The following CNTN5 variants were observed in gnomAD, a reference collection of about 807,000 sequenced individuals.
CNTN5 encodes contactin 5.
Under a neutral mutation model 129.1 loss-of-function variants are expected in CNTN5, and 77 were observed. The ratio of observed to expected loss-of-function variants is 0.60; its 90% CI spans 0.50 to 0.72. The LOEUF is 0.72. Ranked by LOEUF, CNTN5 falls within the 30% of genes least tolerant of loss-of-function variation. The pLI, the probability that CNTN5 is intolerant of heterozygous loss-of-function variation, is 0.00. For missense variants in CNTN5, 1,478 were observed against 1,328.8 expected, an observed-to-expected ratio of 1.11 and a Z score of -1.75; for synonymous variants, 509 against 465.6, an observed-to-expected ratio of 1.09 and a Z score of -1.20.
chr11:100,269,750 G>A (rs1044031101), intron 17 of CNTN5, among the ~76,000 whole-genome samples: 1 of 152,116 alleles, frequency 6.6e-6, no homozygotes, highest in Non-Finnish European at 1.5e-5. Flanking sequence ...AGAATTCTCA[G>A]GAGGTTAGAA....
intron 3 of CNTN5, among the ~76,000 whole-genome samples, chr11:99,611,005 C>G (rs74455035): frequency 0.039 from 5,952 of 152,182 alleles, 151 homozygotes; most frequent in South Asian, 0.086. Flanking sequence ...TGTAGTTGAG[C>G]CTTCATGGTA....
At chr11:100,177,470 G>A (rs1948003152) in intron 13 of CNTN5, among the ~76,000 whole-genome samples, 1 of 152,074 alleles carries the variant, frequency 6.6e-6, no homozygotes, top group Non-Finnish European at 1.5e-5. Flanking sequence ...TACAGTACCT[G>A]GAATTTAGAA....
intron 3 of CNTN5, among the ~76,000 whole-genome samples, chr11:99,808,594 G>GA (rs1205695407): frequency 1.3e-5 from 2 of 152,092 alleles, no homozygotes; most frequent in Admixed American, 1.3e-4. Flanking sequence ...AATTGCCATA[G>GA]AAAAAAATCA....
intron 2 of CNTN5, among the ~76,000 whole-genome samples, chr11:99,400,777 T>TG (rs1941765140): frequency 1.3e-5 from 2 of 152,178 alleles, no homozygotes; most frequent in African/African-American, 4.8e-5. Context: ...CCATTTTAAC[T>TG]GGGGTGAGAT....
At chr11:99,701,174 TTC>T (rs1954502580) in intron 3 of CNTN5, among the ~76,000 whole-genome samples, 1 of 151,152 alleles carries the variant, frequency 6.6e-6, no homozygotes, top group African/African-American at 2.4e-5. Flanking sequence ...GTTCTTCTTC[TTC>T]AGTAGATACA....
At chr11:99,124,095 A>G (rs1858498549) in intron 1 of CNTN5, among the ~76,000 whole-genome samples, 1 of 152,080 alleles carries the variant, frequency 6.6e-6, no homozygotes, top group Admixed American at 6.6e-5. Flanking sequence ...TAGGAAGAGC[A>G]TTACATTTAT....
chr11:99,715,993 AC>A (rs1335314746), intron 3 of CNTN5, among the ~76,000 whole-genome samples: 1 of 149,714 alleles, frequency 6.7e-6, no homozygotes. Flanking sequence ...AAAAATTATT[AC>A]TTTTCAGCTT....
chr11:100,167,309 T>C (rs1451215789), intron 13 of CNTN5, among the ~76,000 whole-genome samples: 1 of 151,866 alleles, frequency 6.6e-6, no homozygotes, highest in Admixed American at 6.6e-5. Flanking sequence ...CTTAAAAACA[T>C]TATTTAAGCT....
At chr11:99,578,145 A>G (rs1412016986) in intron 3 of CNTN5, among the ~76,000 whole-genome samples, 1 of 152,034 alleles carries the variant, frequency 6.6e-6, no homozygotes, top group Admixed American at 6.5e-5. Context: ...ATGTCCCTAC[A>G]AAGGATGTGA....
intron 9 of CNTN5, among the ~76,000 whole-genome samples, chr11:100,037,138 G>A (rs936421107): frequency 1.7e-4 from 25 of 148,886 alleles, no homozygotes; most frequent in African/African-American, 4.5e-4. Flanking sequence ...TTTGAGATAC[G>A]TTCCATCAAT....
At chr11:99,587,516 G>A (rs1029313823) in intron 3 of CNTN5, among the ~76,000 whole-genome samples, 6 of 152,144 alleles carry the variant, frequency 3.9e-5, no homozygotes, top group African/African-American at 1.4e-4. Context: ...GATGCTGTTT[G>A]CTACTAACGA....
chr11:100,212,887 A>C (rs1050570036), intron 15 of CNTN5, among the ~76,000 whole-genome samples: 1 of 152,122 alleles, frequency 6.6e-6, no homozygotes, highest in Non-Finnish European at 1.5e-5. Context: ...TCTCTCATAA[A>C]TATTGCAAAC....
chr11:100,014,277 T>C (rs1940694299), intron 9 of CNTN5, among the ~76,000 whole-genome samples: 1 of 152,128 alleles, frequency 6.6e-6, no homozygotes, highest in South Asian at 2.1e-4. Flanking sequence ...CTAACTCACC[T>C]CAAACCATTG....
chr11:99,215,585 G>T (rs1296717033), intron 1 of CNTN5, among the ~76,000 whole-genome samples: 1 of 152,060 alleles, frequency 6.6e-6, no homozygotes, highest in Non-Finnish European at 1.5e-5. Context: ...TTTTGTTTGG[G>T]AATTCAGTTT....
chr11:99,025,180 G>C (rs918577796), intron 1 of CNTN5, among the ~76,000 whole-genome samples: 7 of 151,894 alleles, frequency 4.6e-5, no homozygotes, highest in Middle Eastern at 6.8e-3. Context: ...TGCATAGAGC[G>C]GAGATCTAGA....
In CNTN5 at chr11:99,379,323, A is replaced by G. The variant is rs1189956315; in HGVS notation, c.-71+53839A>G. Among the ~76,000 whole-genome samples the G allele has an allele frequency of 2.0e-5, 3 of 151,808 alleles. No individual in the cohort carries two copies. The East Asian group carries it at 5.8e-4, about 29-fold the overall frequency. ...TTTTTTTTATATTATCTCTAACTTA[A>G]AATTTAAAAGTAAGAATCTGTAATG... On this transcript the variant is annotated intron_variant, in intron 2 of 24. Coordinates refer to ENST00000524871, the MANE Select transcript of CNTN5 (RefSeq NM_014361.4).
At chr11:99,758,876 A>G (rs1484097361) in intron 3 of CNTN5, among the ~76,000 whole-genome samples, 1 of 152,072 alleles carries the variant, frequency 6.6e-6, no homozygotes, top group Non-Finnish European at 1.5e-5. Context: ...AAAACATGTA[A>G]TAAATCTGGA....
chr11:99,613,057 T>C (rs1950638835), intron 3 of CNTN5, among the ~76,000 whole-genome samples: 1 of 152,184 alleles, frequency 6.6e-6, no homozygotes, highest in Non-Finnish European at 1.5e-5. Context: ...GCTAGATTTC[T>C]GGCTCAAGGT....
intron 13 of CNTN5, among the ~76,000 whole-genome samples, chr11:100,156,929 T>A (rs1172648881): frequency 6.6e-6 from 1 of 151,916 alleles, no homozygotes; most frequent in African/African-American, 2.4e-5. Context: ...TTAGTCTTTT[T>A]AAAAAACCAG....
Sources: allele counts gnomAD v4.1 joint callset (sites outside exome capture counted in the v4.1 genomes callset), GRCh38; gene constraint gnomAD v4.1.1; transcripts MANE v1.5; gene names NCBI Gene and HGNC (gene_info 2026-07-23, HGNC 2026-07-21).